Variants in DEPDC5 observed in about 807,000 individuals in gnomAD.
DEPDC5 encodes the protein DEP domain containing 5, GATOR1 subcomplex subunit.
A neutral mutation model predicts 217.3 loss-of-function variants in DEPDC5; 73 were observed. That is an observed-to-expected ratio of 0.34 (90% CI 0.28 to 0.41). The LOEUF (loss-of-function observed/expected upper bound fraction) is 0.41. DEPDC5 is among the 10% of genes least tolerant of loss of function. The probability of loss-of-function intolerance (pLI) is 1.00; values close to 1 mark genes in which losing one functional copy is unlikely to be tolerated. For missense variants in DEPDC5, 1,675 were observed against 2,070.1 expected (o/e 0.81, Z 3.70); for synonymous variants, 733 against 756.7 (o/e 0.97, Z 0.51).
intron 8 of DEPDC5, among the ~76,000 whole-genome samples, chr22:31,781,975 G>A (rs1298860036): frequency 1.3e-5 from 2 of 152,078 alleles, no homozygotes; most frequent in Admixed American, 6.6e-5. Context: ...ATGTTGCAGT[G>A]AGCTATGATG....
chr22:31,859,092 T>TG (rs1569129529), intron 32 of DEPDC5: 2 of 135,608 alleles, frequency 1.5e-5, no homozygotes, highest in Non-Finnish European at 3.2e-5. Flanking sequence ...TTTTTTTTTT[T>TG]TTTTTTTTTT....
intron 15 of DEPDC5, among the ~76,000 whole-genome samples, chr22:31,803,687 A>C (rs1192066878): frequency 6.6e-6 from 1 of 152,070 alleles, no homozygotes; most frequent in Non-Finnish European, 1.5e-5. Context: ...TGGAGGTTGC[A>C]GTGAGCCGTG....
chr22:31,857,401 G>A (rs748925566), intron 31 of DEPDC5, 44 bp from the exon 32 acceptor site: 1 of 1,516,926 alleles, frequency 6.6e-7, no homozygotes, highest in Non-Finnish European at 9.0e-7. Flanking sequence ...CCTTCACCAG[G>A]GAGCTCTGAG....
In DEPDC5 at chr22:31,804,202, A is replaced by C; in HGVS notation, c.1122A>C (p.Leu374Phe). The C allele has an allele frequency of 6.2e-7, 1 of 1,614,178 alleles. No homozygotes were observed. Among genetic ancestry groups the C allele is most frequent in the Non-Finnish European group, 8.5e-7 (1 of 1,180,022 alleles). The change falls in exon 16 of 43, where the codon TTA becomes TTC. Residue 374 changes from leucine (L) to phenylalanine (F), a missense_variant. Transcript: ENST00000651528. ...VDLVCMGEQP[L>F]HAVPLFKLHN... is the part of the protein sequence containing the mutation. ...TGGTGTGCATGGGAGAGCAACCGTTACATGCTGTCCCATTGTTCAAGGTAA... is the reference window on the plus strand; with the variant it reads ...TGGTGTGCATGGGAGAGCAACCGTTCCATGCTGTCCCATTGTTCAAGGTAA...
At chr22:31,863,400 C>T (rs970372932) in intron 33 of DEPDC5, among the ~76,000 whole-genome samples, 1 of 152,222 alleles carries the variant, frequency 6.6e-6, no homozygotes, top group African/African-American at 2.4e-5. Context: ...CTCCTGACCT[C>T]AGGTGATACG....
intron 6 of DEPDC5, 40 bp from the exon 7 acceptor site, chr22:31,768,774 C>T: frequency 6.5e-7 from 1 of 1,531,052 alleles, no homozygotes; most frequent in South Asian, 1.1e-5. Context: ...CCCTCTCTCC[C>T]TCCCTCCCTC....
intron 6 of DEPDC5, 36 bp from the exon 7 acceptor site, chr22:31,768,778 C>G: frequency 6.4e-7 from 1 of 1,560,796 alleles, no homozygotes; most frequent in Non-Finnish European, 8.8e-7. Flanking sequence ...CTCTCCCTCC[C>G]TCCCTCTCTC....
intron 14 of DEPDC5, among the ~76,000 whole-genome samples, chr22:31,801,477 C>T (rs778399778): frequency 6.6e-6 from 1 of 151,862 alleles, no homozygotes; most frequent in African/African-American, 2.4e-5. Context: ...ATGTGTTAGC[C>T]GAAATATATT....
At chr22:31,818,554 T>C (rs1187302690) in intron 21 of DEPDC5, among the ~76,000 whole-genome samples, 1 of 152,228 alleles carries the variant, frequency 6.6e-6, no homozygotes, top group African/African-American at 2.4e-5. Context: ...CTGGGAACTA[T>C]AGTCTTGTGT....
At chr22:31,759,676 C>G (rs912703228) in intron 3 of DEPDC5, among the ~76,000 whole-genome samples, 1 of 94,964 alleles carries the variant, frequency 1.1e-5, no homozygotes, top group East Asian at 2.9e-4. Flanking sequence ...CGCGCCCAGC[C>G]TTTTTTTTTT....
chr22:31,778,023 C>T (rs1601754587), intron 7 of DEPDC5, 76 bp from the exon 8 acceptor site: 4 of 1,518,390 alleles, frequency 2.6e-6, no homozygotes, highest in South Asian at 1.1e-5. Flanking sequence ...GCTGGGATTA[C>T]AGGCGTGAGC....
chr22:31,832,528 AAACCCAGGCAGG>A (rs2090684389), intron 24 of DEPDC5, among the ~76,000 whole-genome samples: 1 of 151,976 alleles, frequency 6.6e-6, no homozygotes, highest in East Asian at 1.9e-4. Context: ...GCTCTTTCAG[AAACCCAGGCAGG>A]AGTGCAGTGG....
chr22:31,881,319 C>G (rs2093169867), intron 38 of DEPDC5, among the ~76,000 whole-genome samples: 2 of 151,110 alleles, frequency 1.3e-5, no homozygotes, highest in Admixed American at 1.3e-4. Flanking sequence ...GTTTTCAGAT[C>G]CTCAGATTCA....
At chr22:31,844,546 G>T (rs2091601916) in intron 29 of DEPDC5, among the ~76,000 whole-genome samples, 1 of 152,096 alleles carries the variant, frequency 6.6e-6, no homozygotes, top group East Asian at 1.9e-4. Flanking sequence ...CTAGTTGGCT[G>T]GTAGCTTTGT....
At chr22:31,761,557 G>A (rs905642762) in intron 4 of DEPDC5, among the ~76,000 whole-genome samples, 2 of 151,692 alleles carry the variant, frequency 1.3e-5, no homozygotes, top group African/African-American at 2.4e-5. Context: ...TAGCTACTCT[G>A]GAGGCTGAGG....
At chr22:31,873,446 T>C in intron 35 of DEPDC5, 114 bp downstream of exon 35, 1 of 1,176,102 alleles carries the variant, frequency 8.5e-7, no homozygotes. Context: ...TCACCAGTTT[T>C]GAGAGCTTGG....
At chr22:31,856,895 G>A (rs1462496003) in intron 31 of DEPDC5, among the ~76,000 whole-genome samples, 3 of 152,026 alleles carry the variant, frequency 2.0e-5, no homozygotes, top group African/African-American at 4.8e-5. Context: ...TTAGCCTCCC[G>A]AGTAGCTGCG....
rs1190149220 is a variant in DEPDC5, at chr22:31,879,499, CCTT to C, written c.3806-23_3806-21del. 6.3e-6 allele frequency: 10 copies of C among 1,597,790 alleles called. No individual in the cohort carries two copies. In the African/African-American group the frequency reaches 8.0e-5, roughly 13 times the overall value. ...AAAATAAGCATTTGTGTTGAGTACT[CCTT>C]CTCTCCCCTCCACTTTTCCCAGTGG... On this transcript the variant is annotated intron_variant, in intron 37 of 42. Coordinates refer to ENST00000651528, the MANE Select transcript of DEPDC5 (RefSeq NM_001242896.3).
intron 38 of DEPDC5, chr22:31,880,005 T>C: frequency 6.2e-6 from 3 of 482,614 alleles, no homozygotes; most frequent in Non-Finnish European, 1.1e-5. Context: ...CCTGTTCGGA[T>C]AGGAGAGAAG....
Sources: allele counts gnomAD v4.1 joint callset (sites outside exome capture counted in the v4.1 genomes callset), GRCh38; gene constraint gnomAD v4.1.1; transcripts MANE v1.5; gene names NCBI Gene and HGNC (gene_info 2026-07-23, HGNC 2026-07-21).